The following GPNMB variants were observed in gnomAD, a reference collection of about 807,000 sequenced individuals.
The protein encoded by GPNMB is transmembrane glycoprotein NMB.
A neutral mutation model predicts 57.3 loss-of-function variants in GPNMB; 71 were observed. The ratio of observed to expected loss-of-function variants is 1.24; its 90% CI spans 1.02 to 1.51. The LOEUF (loss-of-function observed/expected upper bound fraction) is 1.51, where lower values mean the gene tolerates loss of function less well. Ranked by LOEUF, GPNMB falls within the 40% of genes most tolerant of loss-of-function variation. GPNMB has a pLI of 0.00. For missense variants in GPNMB, 677 were observed against 691.9 expected (o/e 0.98, Z 0.24); for synonymous variants, 253 against 263.2 (o/e 0.96, Z 0.38).
rs1184371568 is a variant in GPNMB at position 23,260,142 on chromosome 7, AGT to A, written c.700+6_700+7del. 1.9e-6 allele frequency: 3 copies of A among 1,613,706 alleles called. No individual in the cohort carries two copies. The highest frequency in any genetic ancestry group is 2.5e-6 in the Non-Finnish European group (3 of 1,179,672). On this transcript the variant is annotated splice_donor_5th_base_variant and intron_variant, in intron 5 of 10. Coordinates refer to ENST00000258733, the MANE Select transcript of GPNMB (RefSeq NM_002510.3). ...AAAGATGTGTACGTGGTAACAGGTG[AGT>A]GGTGTGAACTCTAACTGAGGATGAG...
chr7:23,266,024 C>G (rs903731230), intron 6 of GPNMB: 1 of 156,492 alleles, frequency 6.4e-6, no homozygotes, highest in Non-Finnish European at 1.4e-5. Flanking sequence ...TCTCGGCTCA[C>G]TGCAAGCTCC....
intron 10 of GPNMB, 161 bp downstream of exon 10, chr7:23,273,775 CTTG>C (rs1204574912): frequency 3.4e-6 from 2 of 596,554 alleles, no homozygotes; most frequent in Non-Finnish European, 5.9e-6. Flanking sequence ...GCCTGTTAAT[CTTG>C]TTGTGGTTTG....
At chr7:23,257,701 A>G (rs1782815380) in intron 4 of GPNMB, 2 of 152,272 alleles carry the variant, frequency 1.3e-5, no homozygotes, top group South Asian at 4.1e-4. Context: ...AAAAAACAGA[A>G]TGGCACATTG....
rs758442259 is a variant in GPNMB at position 23,246,870 on chromosome 7, T to C, written c.13T>C (p.Tyr5His). ...GTGAGAATTCAGCATGGAATGTCTC[T>C]ACTATTTCCTGGGATTTCTGCTCCT... MECL[Y>H]YFLGFLLLAA... is the part of the protein sequence containing the mutation. The change falls in exon 1 of 11, where the codon TAC (tyrosine) becomes CAC (histidine). Residue 5 changes from tyrosine to histidine, a missense_variant. Tyr to His is a moderately conservative substitution (Grantham distance 83). Coordinates refer to ENST00000258733, the MANE Select transcript of GPNMB (RefSeq NM_002510.3). 6.2e-7 allele frequency: 1 copy of C among 1,613,690 alleles called. No individual in the cohort carries two copies. The highest frequency in any genetic ancestry group is 8.5e-7 in the Non-Finnish European group (1 of 1,179,580).
intron 4 of GPNMB, chr7:23,257,385 C>G: frequency 2.0e-6 from 1 of 509,064 alleles, no homozygotes; most frequent in Non-Finnish European, 3.5e-6. Context: ...TTGAATGGCA[C>G]ATGGAGACCG....
chr7:23,267,943 G>A lies in GPNMB; in HGVS notation c.1175G>A (p.Trp392Ter). The A allele has an allele frequency of 6.2e-7, 1 of 1,613,820 alleles. No individual in the cohort carries two copies. The highest frequency in any genetic ancestry group is 8.5e-7 in the Non-Finnish European group (1 of 1,179,748). ...ACAGACGTCCTGATGCCGGTGCCAT[G>A]GCCTGAAAGCTCCCTAATAGACTTT... Reference protein sequence around the residue: ...QMTDVLMPVPWPESSLIDFVV... With the variant: ...QMTDVLMPVP Residue 392 changes from tryptophan to a stop codon, truncating the protein, a stop_gained, in exon 8 of 11, where the codon TGG becomes TAG. Transcript: ENST00000258733. LOFTEE classifies it high-confidence loss of function.
At chr7:23,272,861 T>TTTTTTTTTTTTTG (rs398004001) in intron 9 of GPNMB, among the ~76,000 whole-genome samples, 1 of 151,590 alleles carries the variant, frequency 6.6e-6, no homozygotes, top group African/African-American at 2.4e-5. Context: ...TTTTTTTTTT[T>TTTTTTTTTTTTTG]GAGGCAAGGT....
chr7:23,267,775 A>G lies in GPNMB; in HGVS notation c.1118-111A>G, dbSNP rs915707677. The G allele has an allele frequency of 5.0e-6, 4 of 794,040 alleles. No individual in the cohort carries two copies. The South Asian group carries it at 6.1e-5, about 12-fold the overall frequency. The allele number at this position is 794,040 out of a possible 1,614,324, so 49.2% of individuals were successfully genotyped here. On this transcript the variant is annotated intron_variant, in intron 7 of 10. Coordinates refer to ENST00000258733, the MANE Select transcript of GPNMB (RefSeq NM_002510.3). ...ATGCTATCACCTTGGGGGTTTCAAC[A>G]TATGAATTTCGGAGGGACACAAACA...
chr7:23,262,362 T>C (rs190148650), intron 6 of GPNMB, among the ~76,000 whole-genome samples: 2 of 152,232 alleles, frequency 1.3e-5, no homozygotes, highest in East Asian at 3.9e-4. Context: ...AGGATTTCTT[T>C]CCAGATATTT....
At chr7:23,272,522 A>G (rs893201196) in intron 9 of GPNMB, among the ~76,000 whole-genome samples, 1 of 152,196 alleles carries the variant, frequency 6.6e-6, no homozygotes, top group Non-Finnish European at 1.5e-5. Flanking sequence ...TGAGAAAGAG[A>G]AAATGAATGC....
chr7:23,259,259 C>T (rs994417368), intron 4 of GPNMB, among the ~76,000 whole-genome samples: 1 of 152,154 alleles, frequency 6.6e-6, no homozygotes, highest in African/African-American at 2.4e-5. Context: ...GATCTCAGCT[C>T]ACTGGAATCC....
At chr7:23,247,177 T>C (rs1174466779) in intron 1 of GPNMB, 1 of 505,888 alleles carries the variant, frequency 2.0e-6, no homozygotes, top group Non-Finnish European at 3.6e-6. Context: ...AAGCTTCTTT[T>C]CCATTGCAAT....
chr7:23,259,132 G>GC (rs1359942242), intron 4 of GPNMB, among the ~76,000 whole-genome samples: 2 of 152,174 alleles, frequency 1.3e-5, no homozygotes, highest in Non-Finnish European at 2.9e-5. Flanking sequence ...AGTGCCTGTG[G>GC]AACCACCCCA....
intron 3 of GPNMB, among the ~76,000 whole-genome samples, chr7:23,256,200 C>G (rs1275680348): frequency 6.6e-6 from 1 of 152,154 alleles, no homozygotes; most frequent in African/African-American, 2.4e-5. Flanking sequence ...GCCACTGCAC[C>G]CAGCCTAAAT....
chr7:23,267,339 A>G (rs146671729), intron 7 of GPNMB, among the ~76,000 whole-genome samples: 4 of 152,338 alleles, frequency 2.6e-5, no homozygotes, highest in Admixed American at 2.6e-4. Flanking sequence ...ATGGATATGT[A>G]TCCTAAGCTA....
intron 9 of GPNMB, among the ~76,000 whole-genome samples, chr7:23,271,737 A>C (rs979275424): frequency 6.6e-6 from 1 of 152,194 alleles, no homozygotes; most frequent in African/African-American, 2.4e-5. Flanking sequence ...CAGAGGTTGC[A>C]GTGAGCTGAG....
intron 1 of GPNMB, among the ~76,000 whole-genome samples, chr7:23,249,433 G>A (rs1312753307): frequency 6.6e-6 from 1 of 152,172 alleles, no homozygotes; most frequent in Non-Finnish European, 1.5e-5. Context: ...GGCTATAGAT[G>A]TATAGCCAAA....
chr7:23,273,573 C>G lies in GPNMB; in HGVS notation c.1482C>G (p.Cys494Trp). 1 of 1,613,864 alleles carries G rather than the reference C, an allele frequency of 6.2e-7. No individual in the cohort carries two copies. The highest frequency in any genetic ancestry group is 8.5e-7 in the Non-Finnish European group (1 of 1,179,722). Reference sequence around the variant, plus strand: ...ACAGTGCCCTGATCTCCGTTGGCTGCTTGGCCATATTTGTCACTGTGATCT... The same window carrying G: ...ACAGTGCCCTGATCTCCGTTGGCTGGTTGGCCATATTTGTCACTGTGATCT... ...MANSALISVG[C>W]LAIFVTVISL... The change falls in exon 10 of 11, where the codon TGC (cysteine) becomes TGG (tryptophan). Residue 494 changes from cysteine to tryptophan, a missense_variant. Transcript: ENST00000258733.
chr7:23,253,178 C>A, intron 1 of GPNMB, 129 bp from the exon 2 acceptor site: 1 of 676,234 alleles, frequency 1.5e-6, no homozygotes, highest in Non-Finnish European at 2.4e-6. Flanking sequence ...AACAAAGCAC[C>A]CTCTGTTTAC....
Sources: gnomAD v4.1 joint callset for allele counts (sites outside exome capture counted in the v4.1 genomes callset) on GRCh38, gnomAD v4.1.1 for gene constraint, MANE v1.5 for transcripts, NCBI Gene and HGNC (gene_info 2026-07-23, HGNC 2026-07-21) for gene names.